The following C10orf90 variants were observed in gnomAD, a reference collection of about 807,000 sequenced individuals.
The protein encoded by C10orf90 is chromosome 10 open reading frame 90.
Under a neutral mutation model 62.5 loss-of-function variants are expected in C10orf90, and 56 were observed. The ratio of observed to expected loss-of-function variants is 0.90; its 90% CI spans 0.72 to 1.12. The LOEUF (loss-of-function observed/expected upper bound fraction) is 1.12, where lower values mean the gene tolerates loss of function less well. Among genes scored for constraint, C10orf90 ranks in the 50% most tolerant of loss-of-function variants. C10orf90 has a pLI of 0.00. For synonymous variants in C10orf90, 386 were observed against 340.4 expected (o/e 1.13, Z -1.47); for missense variants, 970 against 880.4 (o/e 1.10, Z -1.29).
At chr10:126,589,172 G>T (rs954613710) in intron 2 of C10orf90, among the ~76,000 whole-genome samples, 2 of 152,108 alleles carry the variant, frequency 1.3e-5, no homozygotes, top group African/African-American at 4.8e-5. Flanking sequence ...ATAATGAAAA[G>T]GAATGAACAA....
At chr10:126,641,419 G>C (rs557396728) in intron 2 of C10orf90, among the ~76,000 whole-genome samples, 14 of 152,184 alleles carry the variant, frequency 9.2e-5, no homozygotes, top group African/African-American at 2.9e-4. Context: ...AAAACTGAAG[G>C]TTGTAAAGGT....
chr10:126,621,153 C>T (rs1845636662), intron 2 of C10orf90, among the ~76,000 whole-genome samples: 1 of 152,082 alleles, frequency 6.6e-6, no homozygotes, highest in Admixed American at 6.6e-5. Context: ...AGTTGTTTTG[C>T]CTCTGTTGAA....
At chr10:126,597,452 C>T (rs955711583) in intron 2 of C10orf90, among the ~76,000 whole-genome samples, 1 of 152,200 alleles carries the variant, frequency 6.6e-6, no homozygotes, top group Non-Finnish European at 1.5e-5. Context: ...GAACCAAATG[C>T]CACAGAGCCC....
At chr10:126,637,702 G>C (rs1591164432) in intron 2 of C10orf90, among the ~76,000 whole-genome samples, 1 of 152,210 alleles carries the variant, frequency 6.6e-6, no homozygotes, top group African/African-American at 2.4e-5. Context: ...TCCCAAAGCA[G>C]TAGGCACATG....
intron 2 of C10orf90, among the ~76,000 whole-genome samples, chr10:126,623,645 C>T (rs1277753615): frequency 6.6e-6 from 1 of 151,854 alleles, no homozygotes; most frequent in Non-Finnish European, 1.5e-5. Flanking sequence ...AATTTGAGAC[C>T]AGCCTGGCCA....
intron 1 of C10orf90, among the ~76,000 whole-genome samples, chr10:126,657,626 T>A (rs1345383630): frequency 6.6e-6 from 1 of 151,814 alleles, no homozygotes; most frequent in African/African-American, 2.4e-5. Context: ...TTTTCTTTTT[T>A]TTTTTTGAGA....
chr10:126,527,980 T>C (rs1474603590), intron 2 of C10orf90, among the ~76,000 whole-genome samples: 1 of 152,188 alleles, frequency 6.6e-6, no homozygotes, highest in Non-Finnish European at 1.5e-5. Context: ...TAATTTAACA[T>C]TTTTACCCTT....
chr10:126,666,193 G>A (rs1322832713), intron 1 of C10orf90, among the ~76,000 whole-genome samples: 2 of 152,116 alleles, frequency 1.3e-5, no homozygotes, highest in African/African-American at 4.8e-5. Context: ...TGCATCTCTG[G>A]CCTCTACCCA....
At chr10:126,565,438 A>ATTATATAATATATATATTATATATAT (rs1491320031) in intron 2 of C10orf90, among the ~76,000 whole-genome samples, 1 of 51,462 alleles carries the variant, frequency 1.9e-5, no homozygotes, top group African/African-American at 1.2e-4. Flanking sequence ...TATATATTAT[A>ATTATATAATATATATATTATATATAT]CACACACACA....
chr10:126,524,504 C>A, intron 2 of C10orf90: 1 of 449,238 alleles, frequency 2.2e-6, no homozygotes, highest in Non-Finnish European at 2.9e-6. Context: ...AAATTAGGAG[C>A]CTCACCTAAG....
intron 2 of C10orf90, among the ~76,000 whole-genome samples, chr10:126,591,824 T>G (rs1490672032): frequency 6.6e-6 from 1 of 152,170 alleles, no homozygotes; most frequent in Non-Finnish European, 1.5e-5. Flanking sequence ...AAAAGCCTCT[T>G]AAGCTGATAA....
At chr10:126,470,806 A>G (rs980125169) in intron 4 of C10orf90, among the ~76,000 whole-genome samples, 2 of 152,006 alleles carry the variant, frequency 1.3e-5, no homozygotes, top group African/African-American at 4.8e-5. Flanking sequence ...GAGAGAAGAA[A>G]AGAAAAGAAA....
intron 2 of C10orf90, among the ~76,000 whole-genome samples, chr10:126,639,794 T>C (rs1015661962): frequency 2.0e-5 from 3 of 152,358 alleles, no homozygotes; most frequent in South Asian, 2.1e-4. Flanking sequence ...GTTTTACCAA[T>C]TACTTTTTAA....
At chr10:126,581,626 C>A (rs912939994) in intron 2 of C10orf90, among the ~76,000 whole-genome samples, 1 of 152,298 alleles carries the variant, frequency 6.6e-6, no homozygotes, top group Non-Finnish European at 1.5e-5. Context: ...ATGTCTGGAG[C>A]CAAGCTGAAC....
At chr10:126,593,276 G>T (rs1845017778) in intron 2 of C10orf90, among the ~76,000 whole-genome samples, 2 of 152,164 alleles carry the variant, frequency 1.3e-5, no homozygotes, top group Non-Finnish European at 2.9e-5. Context: ...GCAAAGACAT[G>T]CATTCAATCC....
chr10:126,626,395 G>A (rs893167841), intron 2 of C10orf90, among the ~76,000 whole-genome samples: 3 of 152,144 alleles, frequency 2.0e-5, no homozygotes, highest in Non-Finnish European at 4.4e-5. Context: ...TGAGGAGTGA[G>A]GGAAAGACGT....
At chr10:126,476,057 C>A (rs181644321) in intron 4 of C10orf90, among the ~76,000 whole-genome samples, 4 of 152,268 alleles carry the variant, frequency 2.6e-5, no homozygotes, top group African/African-American at 9.6e-5. Flanking sequence ...CCTCCAGCCC[C>A]GTCAGACCCT....
chr10:126,661,682 T>C (rs111369421), intron 1 of C10orf90, among the ~76,000 whole-genome samples: 3 of 152,056 alleles, frequency 2.0e-5, no homozygotes, highest in African/African-American at 7.2e-5. Flanking sequence ...TTTTTTTTTT[T>C]TCTCTCTTGT....
At position 126,459,119 on chromosome 10, in the gene C10orf90, C is replaced by A. The variant is rs781040534; in HGVS notation, c.2109G>T (p.Lys703Asn). 1 of 1,614,076 alleles carries A rather than the reference C, an allele frequency of 6.2e-7. No homozygotes were observed. The highest frequency in any genetic ancestry group is 8.5e-7 in the Non-Finnish European group (1 of 1,180,054). The change falls in exon 7 of 10, where the codon AAG becomes AAT. Residue 703 changes from lysine (K) to asparagine (N), a missense_variant. Transcript: ENST00000488181. Reference protein sequence around the residue: ...HMVQQRKAQRKEDLRQKQSLL... With the variant: ...HMVQQRKAQRNEDLRQKQSLL... ...GGCTCTGCTTCTGCCTCAGGTCCTC[C>A]TTCCGCTGGGCTTTCCTCTGCTGGA...
Sources: allele counts gnomAD v4.1 joint callset (sites outside exome capture counted in the v4.1 genomes callset), GRCh38; gene constraint gnomAD v4.1.1; transcripts MANE v1.5; gene names NCBI Gene and HGNC (gene_info 2026-07-23, HGNC 2026-07-21).